ABCC1: variants seen among roughly 807,000 people sequenced by gnomAD.
ABCC1 encodes the protein ATP binding cassette subfamily C member 1 (ABCC1 blood group).
Under a neutral mutation model 172.9 loss-of-function variants are expected in ABCC1, and 83 were observed. The observed-to-expected ratio is 0.48, with a 90% CI of 0.40 to 0.58. The LOEUF (loss-of-function observed/expected upper bound fraction) is 0.58. ABCC1 is among the 20% of genes least tolerant of loss of function. The probability of loss-of-function intolerance (pLI) is 0.00; values close to 1 mark genes in which losing one functional copy is unlikely to be tolerated. For missense variants in ABCC1, 1,817 were observed against 2,002.7 expected (o/e 0.91, Z 1.77); for synonymous variants, 937 against 825.2 (o/e 1.14, Z -2.32).
chr16:16,109,339 G>C (rs1049893836), intron 21 of ABCC1, among the ~76,000 whole-genome samples: 2 of 152,040 alleles, frequency 1.3e-5, no homozygotes, highest in Admixed American at 6.6e-5. Context: ...ACCACACCTA[G>C]CTAATTTTAA....
chr16:16,123,441 C>T (rs945433285), intron 24 of ABCC1, among the ~76,000 whole-genome samples: 5 of 151,952 alleles, frequency 3.3e-5, no homozygotes, highest in African/African-American at 1.2e-4. Flanking sequence ...TCAAGACCAG[C>T]CTGGTCAACA....
At chr16:16,129,596 G>A (rs980297980) in intron 26 of ABCC1, among the ~76,000 whole-genome samples, 1 of 150,544 alleles carries the variant, frequency 6.6e-6, no homozygotes, top group African/African-American at 2.4e-5. Flanking sequence ...GGAGTGTAGT[G>A]GTTTTATCTT....
intron 14 of ABCC1, among the ~76,000 whole-genome samples, chr16:16,073,047 A>AT (rs1447938387): frequency 2.2e-5 from 2 of 92,678 alleles, no homozygotes; most frequent in Non-Finnish European, 4.9e-5. Flanking sequence ...TCTCAAAAAA[A>AT]AAAAAAAAAA....
At chr16:16,099,779 A>T (rs1400457522) in intron 19 of ABCC1, among the ~76,000 whole-genome samples, 1 of 152,050 alleles carries the variant, frequency 6.6e-6, no homozygotes, top group Non-Finnish European at 1.5e-5. Context: ...GGGAGAGCTG[A>T]TCCCTTCAAA....
intron 1 of ABCC1, among the ~76,000 whole-genome samples, chr16:15,992,039 G>A (rs1305625026): frequency 6.6e-6 from 1 of 151,982 alleles, no homozygotes; most frequent in East Asian, 1.9e-4. Flanking sequence ...TTGCATCACC[G>A]CCTGAGCTCT....
At chr16:16,138,215 T>G in intron 29 of ABCC1, 149 bp from the exon 30 acceptor site, 1 of 618,222 alleles carries the variant, frequency 1.6e-6, no homozygotes, top group South Asian at 2.3e-5. Context: ...TAGTGATGTC[T>G]GCTGCAGACA....
At chr16:16,101,611 C>T (rs1280131993) in intron 19 of ABCC1, among the ~76,000 whole-genome samples, 1 of 152,212 alleles carries the variant, frequency 6.6e-6, no homozygotes, top group African/African-American at 2.4e-5. Context: ...TCCTCTCCCA[C>T]CTTCTCTGGG....
chr16:15,972,840 C>T (rs375097786), intron 1 of ABCC1, among the ~76,000 whole-genome samples: 9 of 137,270 alleles, frequency 6.6e-5, no homozygotes, highest in Admixed American at 7.9e-5. Flanking sequence ...GCTCTGTTGC[C>T]GAGGCTAGAG....
intron 21 of ABCC1, among the ~76,000 whole-genome samples, chr16:16,108,273 C>CTTTTTTTTTTTTTTTTTT (rs79826916): frequency 9.4e-6 from 1 of 106,336 alleles, no homozygotes; most frequent in African/African-American, 3.4e-5. Flanking sequence ...TTCTTTGTGT[C>CTTTTTTTTTTTTTTTTTT]TTTTTTTTTT....
intron 1 of ABCC1, among the ~76,000 whole-genome samples, chr16:15,988,552 A>G (rs1275096048): frequency 2.0e-5 from 3 of 152,156 alleles, no homozygotes; most frequent in Admixed American, 6.6e-5. Flanking sequence ...ATAAGAGGAG[A>G]GGAAGTGGCT....
At chr16:16,072,202 A>G (rs2151961121) in intron 14 of ABCC1, among the ~76,000 whole-genome samples, 2 of 149,448 alleles carry the variant, frequency 1.3e-5, no homozygotes, top group East Asian at 3.9e-4. Flanking sequence ...TTTTTGAGAC[A>G]GGGTCTCATT....
chr16:16,017,034 G>A (rs3784862), intron 5 of ABCC1, among the ~76,000 whole-genome samples: 105,838 of 151,978 alleles, frequency 0.7, 37,422 homozygotes, highest in Non-Finnish European at 0.75. Context: ...GGCACTCCCT[G>A]TTGTATTATA....
At chr16:15,977,522 C>G (rs1481092948) in intron 1 of ABCC1, among the ~76,000 whole-genome samples, 1 of 152,164 alleles carries the variant, frequency 6.6e-6, no homozygotes, top group Non-Finnish European at 1.5e-5. Flanking sequence ...AGGCATGAGC[C>G]TCTGTGGCCA....
At chr16:16,034,671 T>C (rs2048688138) in intron 6 of ABCC1, among the ~76,000 whole-genome samples, 1 of 138,886 alleles carries the variant, frequency 7.2e-6, no homozygotes. Context: ...CTCTGCAACC[T>C]CTGCTTCCTG....
chr16:16,052,997 C>G (rs2049497224), intron 11 of ABCC1, among the ~76,000 whole-genome samples, 181 bp downstream of exon 11: 1 of 152,146 alleles, frequency 6.6e-6, no homozygotes. Context: ...GATTCTGATT[C>G]ACTTATTGTG....
In ABCC1 at chr16:16,040,918, C is replaced by T. The variant is rs555247702; in HGVS notation, c.810-3532C>T. ...AGTCCCTTCATGCCTCACCGGGAGC[C>T]GCCATTGTATTTATTTATTTATTTT... On this transcript the variant is annotated intron_variant, in intron 7 of 30. Transcript: ENST00000399410. Among the ~76,000 whole-genome samples the T allele has an allele frequency of 9.9e-5, 15 of 152,026 alleles. No individual in the cohort carries two copies. The South Asian group carries it at 1.0e-3, about 11-fold the overall frequency.
In ABCC1 at chr16:16,124,890, G is replaced by A. The variant is rs2045365697; in HGVS notation, c.3692G>A (p.Gly1231Asp). The change falls in exon 25 of 31, where the codon GGC (glycine) becomes GAC (aspartate). Residue 1231 changes from glycine to aspartate, a missense_variant. Coordinates refer to ENST00000399410, the MANE Select transcript of ABCC1 (RefSeq NM_004996.4). ...SRHSLSAGLV[G>D]LSVSYSLQVT... ...CACAGCCTCAGTGCTGGCTTGGTGG[G>A]CCTCTCAGTGTCTTACTCATTGCAG... 1.9e-6 allele frequency: 3 copies of A among 1,614,212 alleles called. No homozygotes were observed. Among genetic ancestry groups the A allele is most frequent in the Non-Finnish European group, 2.5e-6 (3 of 1,180,036 alleles).
At chr16:16,000,138 C>T (rs1271496397) in intron 1 of ABCC1, among the ~76,000 whole-genome samples, 1 of 151,780 alleles carries the variant, frequency 6.6e-6, no homozygotes, top group Non-Finnish European at 1.5e-5. Context: ...CAGGCGTGAG[C>T]CACCGCTCCT....
At chr16:15,999,178 A>T (rs962840777) in intron 1 of ABCC1, among the ~76,000 whole-genome samples, 1 of 151,606 alleles carries the variant, frequency 6.6e-6, no homozygotes, top group African/African-American at 2.4e-5. Flanking sequence ...TTTGTTTTTT[A>T]ATATTTTTAG....
Sources: allele counts gnomAD v4.1 joint callset (sites outside exome capture counted in the v4.1 genomes callset), GRCh38; gene constraint gnomAD v4.1.1; transcripts MANE v1.5; gene names NCBI Gene and HGNC (gene_info 2026-07-23, HGNC 2026-07-21).